GAS2L1: variants seen among roughly 807,000 people sequenced by gnomAD.
GAS2L1 encodes growth arrest specific 2 like 1.
A neutral mutation model predicts 44.0 loss-of-function variants in GAS2L1; 26 were observed. The ratio of observed to expected loss-of-function variants is 0.59; its 90% CI spans 0.43 to 0.82. The LOEUF is 0.82. GAS2L1 is among the 40% of genes least tolerant of loss of function. The pLI is 0.00. For missense variants in GAS2L1, 1,006 were observed against 983.0 expected, an observed-to-expected ratio of 1.02 and a Z score of -0.31; for synonymous variants, 426 against 415.9, an observed-to-expected ratio of 1.02 and a Z score of -0.30.
In GAS2L1 at chr22:29,308,618, AC is replaced by A; in HGVS notation, c.518del (p.Pro173GlnfsTer28). On this transcript the variant is annotated frameshift_variant, in exon 1 of 5. Coordinates refer to ENST00000618518, the Ensembl canonical transcript of GAS2L1. LOFTEE classifies it high-confidence loss of function. ...AGATTGAGCGGGAGCTGCGTGCTGC[AC>A]CCCCAGCCCCCAACGCCCCTGCCGC... The A allele has an allele frequency of 4.4e-6, 7 of 1,586,600 alleles. No homozygotes were observed. The highest frequency in any genetic ancestry group is 3.4e-6 in the Non-Finnish European group (4 of 1,165,550).
exon 5 of GAS2L1, chr22:29,312,358 T>C (rs780110799): frequency 1.2e-6 from 2 of 1,604,758 alleles, no homozygotes; most frequent in South Asian, 2.2e-5. Flanking sequence ...CGGGGTCGGA[T>C]GGACACACAG....
At chr22:29,307,733 G>A (rs1292479389) in exon 1 of GAS2L1, 1 of 173,412 alleles carries the variant, frequency 5.8e-6, no homozygotes, top group Admixed American at 6.3e-5. Flanking sequence ...TCCACTGGGG[G>A]CCTTAGCCGT....
chr22:29,308,533 T>C (rs1433079586), exon 1 of GAS2L1: 1 of 1,602,798 alleles, frequency 6.2e-7, no homozygotes, highest in Non-Finnish European at 8.5e-7. Flanking sequence ...CTGCTGGAGG[T>C]GGCGCGGCGT....
exon 5 of GAS2L1, chr22:29,312,289 G>T (rs775592748): frequency 1.2e-6 from 2 of 1,609,152 alleles, no homozygotes; most frequent in Admixed American, 1.7e-5. Flanking sequence ...GGCATGGGGG[G>T]GCCACTAGAT....
exon 1 of GAS2L1, chr22:29,308,206 C>T: frequency 6.2e-7 from 1 of 1,608,164 alleles, no homozygotes. Context: ...GAGGACCTGG[C>T]CGAGTGGCTC....
chr22:29,308,770 C>T lies in GAS2L1; in HGVS notation c.633+32C>T, dbSNP rs147637354. The T allele has an allele frequency of 3.4e-4, 492 of 1,461,406 alleles. 2 individuals carry two copies. The African/African-American group carries it at 5.1e-3, about 15-fold the overall frequency. The allele number at this position is 1,461,406 out of a possible 1,614,324, so 90.5% of individuals were successfully genotyped here. ...CCCCCAGCACCAGGTGCCAGGGACC[C>T]GACAGCACAGCCAGTGCCTGCAATC... is the stretch of plus-strand genomic sequence containing the variant. On this transcript the variant is annotated intron_variant, in intron 1 of 4. Transcript: ENST00000618518.
At chr22:29,311,037 G>T (rs755178203) in intron 4 of GAS2L1, 39 bp downstream of exon 5, 2 of 1,574,270 alleles carry the variant, frequency 1.3e-6, no homozygotes, top group Non-Finnish European at 1.7e-6. Flanking sequence ...GGTCCAGAGG[G>T]TGGGGGGGCG....
chr22:29,312,558 C>A, exon 5 of GAS2L1: 1 of 1,289,386 alleles, frequency 7.8e-7, no homozygotes, highest in Non-Finnish European at 1.0e-6. Flanking sequence ...GGCCTTAACC[C>A]TTCTGCATCA....
exon 1 of GAS2L1, chr22:29,307,989 G>A: frequency 1.3e-6 from 1 of 790,424 alleles, no homozygotes; most frequent in Non-Finnish European, 1.8e-6. Context: ...CAGGCATTTG[G>A]CCTGAGTGAC....
chr22:29,308,879 C>T (rs1208181212), intron 1 of GAS2L1, 141 bp downstream of exon 2: 9 of 645,072 alleles, frequency 1.4e-5, no homozygotes, highest in African/African-American at 3.7e-5. Context: ...AGCACCAAAC[C>T]GAGGAATGTA....
In GAS2L1 at chr22:29,311,445, T is replaced by C. The variant is rs925310785; in HGVS notation, c.1011-17T>C. ...TTCCGTGGTACCCCATCTGTCTCTA[T>C]TGTCCCCCTGCCCCAGGCCCCGGGA... On this transcript the variant is annotated splice_polypyrimidine_tract_variant and intron_variant, in intron 4 of 4. Coordinates refer to ENST00000618518, the Ensembl canonical transcript of GAS2L1. 14 of 1,015,510 alleles carry C rather than the reference T, an allele frequency of 1.4e-5. No homozygotes were observed. Among genetic ancestry groups the C allele is most frequent in the African/African-American group, 9.7e-5 (6 of 61,900 alleles). 62.9% of individuals were successfully genotyped at this position (1,015,510 alleles called of 1,614,324 possible). A position where few individuals can be genotyped will look rare whatever the true frequency, so the allele number is the denominator to read the frequency against.
chr22:29,311,020 A>C, intron 4 of GAS2L1, 22 bp downstream of exon 5: 2 of 1,602,676 alleles, frequency 1.2e-6, no homozygotes, highest in Non-Finnish European at 1.7e-6. Context: ...GAGGACGAGG[A>C]GTGAGGGGTC....
exon 5 of GAS2L1, chr22:29,312,086 T>C (rs199877560): frequency 5.5e-4 from 880 of 1,612,898 alleles, no homozygotes; most frequent in Non-Finnish European, 6.9e-4. Context: ...GACCAGCCCC[T>C]GACCCAGCTC....
intron 4 of GAS2L1, 166 bp downstream of exon 5, chr22:29,311,164 C>A: frequency 3.1e-6 from 2 of 653,868 alleles, no homozygotes; most frequent in Non-Finnish European, 5.2e-6. Context: ...CCAACCAAAC[C>A]AACAACACAG....
At chr22:29,308,682 A>G in exon 1 of GAS2L1, 1 of 1,509,848 alleles carries the variant, frequency 6.6e-7, no homozygotes. Flanking sequence ...CGCACCAGGG[A>G]CTCCTGCCCG....
chr22:29,308,935 G>C (rs988481808), intron 1 of GAS2L1, among the ~76,000 whole-genome samples, 197 bp downstream of exon 2: 2 of 152,232 alleles, frequency 1.3e-5, no homozygotes, highest in Non-Finnish European at 2.9e-5. Flanking sequence ...GGGAGGTGCC[G>C]GGGAGATGAC....
chr22:29,306,866 C>G (rs1405020454), upstream of GAS2L1: 1 of 152,240 alleles, frequency 6.6e-6, no homozygotes, highest in South Asian at 2.1e-4. Flanking sequence ...GTCGAGAGCG[C>G]TCGAAGACCC....
In GAS2L1 at chr22:29,308,758, G is replaced by A; in HGVS notation, c.633+20G>A. 2 of 1,477,214 alleles carry A rather than the reference G, an allele frequency of 1.4e-6. No homozygotes were observed. Among genetic ancestry groups the A allele is most frequent in the Non-Finnish European group, 1.8e-6 (2 of 1,119,880 alleles). 91.5% of individuals were successfully genotyped at this position (1,477,214 alleles called of 1,614,324 possible). On this transcript the variant is annotated intron_variant, in intron 1 of 4. Transcript: ENST00000618518. ...GAGCTGGTGAGTCCCCCAGCACCAG[G>A]TGCCAGGGACCCGACAGCACAGCCA...
rs375100929 is a variant in GAS2L1, at chr22:29,311,947, C to A, written c.1496C>A (p.Pro499Gln). The A allele has an allele frequency of 4.4e-6, 7 of 1,606,368 alleles. No individual in the cohort carries two copies. The African/African-American group carries it at 9.3e-5, about 21-fold the overall frequency. ...CCCAGTCCAGAGTTGGGCACCACAC[C>A]GGCCAGCATCTTCCGCACACCCCTG... Residue 499 changes from proline to glutamine, a missense_variant, in exon 5 of 5, where the codon CCG (proline) becomes CAG (glutamine). By Grantham distance (76) the Pro-to-Gln change is moderately conservative (BLOSUM62 -1). Transcript: ENST00000618518.
Sources: allele counts gnomAD v4.1 joint callset (sites outside exome capture counted in the v4.1 genomes callset), GRCh38; gene constraint gnomAD v4.1.1; transcripts MANE v1.5; gene names NCBI Gene and HGNC (gene_info 2026-07-23, HGNC 2026-07-21).